Variants in CNTNAP2 observed in about 807,000 individuals in gnomAD.
CNTNAP2 encodes the protein contactin associated protein 2.
A neutral mutation model predicts 155.2 loss-of-function variants in CNTNAP2; 98 were observed. That is an observed-to-expected ratio of 0.63 (90% CI 0.54 to 0.75). The LOEUF (loss-of-function observed/expected upper bound fraction) is 0.75, where lower values mean the gene tolerates loss of function less well. Ranked by LOEUF, CNTNAP2 falls within the 30% of genes least tolerant of loss-of-function variation. The pLI is 0.00. For synonymous variants in CNTNAP2, 651 were observed against 631.2 expected, an observed-to-expected ratio of 1.03 and a Z score of -0.47; for missense variants, 1,727 against 1,688.1, an observed-to-expected ratio of 1.02 and a Z score of -0.40.
chr7:146,717,940 G>A (rs2129176511), intron 1 of CNTNAP2, among the ~76,000 whole-genome samples: 1 of 152,008 alleles, frequency 6.6e-6, no homozygotes, highest in African/African-American at 2.4e-5. Flanking sequence ...AACAGGAATG[G>A]GATGCCTTTA....
chr7:147,817,904 C>CA (rs56695268), intron 13 of CNTNAP2, among the ~76,000 whole-genome samples: 11,877 of 95,270 alleles, frequency 0.12, 924 homozygotes, highest in African/African-American at 0.23. Context: ...GACTCTGTCT[C>CA]AAAAAAAAAA....
chr7:148,388,936 G>T (rs1232446172), intron 22 of CNTNAP2, among the ~76,000 whole-genome samples: 1 of 152,136 alleles, frequency 6.6e-6, no homozygotes, highest in East Asian at 1.9e-4. Context: ...GTGTCAGTCT[G>T]CCCCTACTGG....
chr7:146,218,021 A>G (rs1282474468), intron 1 of CNTNAP2, among the ~76,000 whole-genome samples: 1 of 152,134 alleles, frequency 6.6e-6, no homozygotes, highest in African/African-American at 2.4e-5. Flanking sequence ...TAAAAAGATC[A>G]ATGTATGGAC....
intron 1 of CNTNAP2, among the ~76,000 whole-genome samples, chr7:146,744,706 A>G (rs545770982): frequency 1.8e-4 from 28 of 152,186 alleles, no homozygotes; most frequent in South Asian, 6.2e-4. Flanking sequence ...AAATGGGTGA[A>G]TATTTTCAAA....
chr7:147,749,796 A>G (rs1213678050), intron 13 of CNTNAP2, among the ~76,000 whole-genome samples: 1 of 152,176 alleles, frequency 6.6e-6, no homozygotes, highest in Non-Finnish European at 1.5e-5. Flanking sequence ...TATCAGTAAC[A>G]CTCATTGTTG....
At chr7:147,165,608 T>C (rs1168734951) in intron 8 of CNTNAP2, among the ~76,000 whole-genome samples, 1 of 152,194 alleles carries the variant, frequency 6.6e-6, no homozygotes, top group Non-Finnish European at 1.5e-5. Context: ...ATAGAATTTT[T>C]ATAGTTGCAG....
chr7:146,882,698 AG>A (rs1156858370), intron 3 of CNTNAP2, among the ~76,000 whole-genome samples: 3 of 152,170 alleles, frequency 2.0e-5, no homozygotes, highest in Non-Finnish European at 4.4e-5. Context: ...TAATATACTC[AG>A]TAATGGGATT....
At chr7:146,324,956 A>T (rs1162713941) in intron 1 of CNTNAP2, among the ~76,000 whole-genome samples, 1 of 152,148 alleles carries the variant, frequency 6.6e-6, no homozygotes, top group Admixed American at 6.6e-5. Flanking sequence ...TTTTTTGGAT[A>T]CAGATTCCCA....
chr7:146,593,003 T>C (rs1430792478), intron 1 of CNTNAP2, among the ~76,000 whole-genome samples: 1 of 152,020 alleles, frequency 6.6e-6, no homozygotes, highest in Non-Finnish European at 1.5e-5. Flanking sequence ...AGGGTCGTTC[T>C]CGGGGTATGC....
chr7:146,568,897 T>C (rs1685830509), intron 1 of CNTNAP2, among the ~76,000 whole-genome samples: 1 of 152,160 alleles, frequency 6.6e-6, no homozygotes, highest in South Asian at 2.1e-4. Context: ...TCCCAAGGTG[T>C]GACTGTTTGG....
chr7:148,077,400 G>T (rs1020316071), intron 15 of CNTNAP2, among the ~76,000 whole-genome samples: 2 of 151,906 alleles, frequency 1.3e-5, no homozygotes, highest in Non-Finnish European at 2.9e-5. Context: ...TCTATCTGTG[G>T]TTCTGAAAAG....
chr7:147,324,935 G>A (rs554611706), intron 9 of CNTNAP2, among the ~76,000 whole-genome samples: 1 of 152,158 alleles, frequency 6.6e-6, no homozygotes, highest in Non-Finnish European at 1.5e-5. Context: ...CTGCATGCCT[G>A]TAGGTAATGG....
At chr7:147,206,127 GA>G (rs1278857171) in intron 8 of CNTNAP2, among the ~76,000 whole-genome samples, 1 of 151,292 alleles carries the variant, frequency 6.6e-6, no homozygotes, top group Admixed American at 6.6e-5. Flanking sequence ...GACTAATGTA[GA>G]AAAAAAAGAA....
At chr7:146,622,028 C>T (rs1799326493) in intron 1 of CNTNAP2, among the ~76,000 whole-genome samples, 1 of 152,068 alleles carries the variant, frequency 6.6e-6, no homozygotes, top group Admixed American at 6.6e-5. Flanking sequence ...GAAACTCTTT[C>T]AGTTGCCCTG....
intron 14 of CNTNAP2, among the ~76,000 whole-genome samples, chr7:147,967,729 G>A (rs537479991): frequency 3.3e-5 from 5 of 152,294 alleles, no homozygotes; most frequent in Non-Finnish European, 7.4e-5. Context: ...GCATATCTAC[G>A]TGAAGAAATA....
intron 3 of CNTNAP2, among the ~76,000 whole-genome samples, chr7:146,859,948 TA>T (rs1364463906): frequency 3.3e-5 from 5 of 152,008 alleles, no homozygotes; most frequent in African/African-American, 4.8e-5. Flanking sequence ...AGAGGAAACC[TA>T]GAGTGGGGGA....
At chr7:146,662,212 A>G (rs1298132537) in intron 1 of CNTNAP2, among the ~76,000 whole-genome samples, 1 of 151,470 alleles carries the variant, frequency 6.6e-6, no homozygotes, top group Non-Finnish European at 1.5e-5. Flanking sequence ...ACCTGGGCTC[A>G]TTGAAACCTC....
At chr7:147,615,221 GC>G (rs1801258957) in intron 12 of CNTNAP2, among the ~76,000 whole-genome samples, 1 of 67,442 alleles carries the variant, frequency 1.5e-5, no homozygotes, top group Non-Finnish European at 2.7e-5. Flanking sequence ...CTATAATCAT[GC>G]CACTGCACTC....
chr7:146,907,734 T>A (rs1280040297), intron 3 of CNTNAP2, among the ~76,000 whole-genome samples: 3 of 145,910 alleles, frequency 2.1e-5, no homozygotes, highest in African/African-American at 7.6e-5. Context: ...AGGAAGAAAC[T>A]GCATCAACTA....
Sources: allele counts gnomAD v4.1 joint callset (sites outside exome capture counted in the v4.1 genomes callset), GRCh38; gene constraint gnomAD v4.1.1; transcripts MANE v1.5; gene names NCBI Gene and HGNC (gene_info 2026-07-23, HGNC 2026-07-21).